The following TRAK1 variants were observed in gnomAD, a reference collection of about 807,000 sequenced individuals.
TRAK1 encodes trafficking kinesin protein 1, also known as trafficking kinesin-binding protein 1.
A neutral mutation model predicts 92.1 loss-of-function variants in TRAK1; 33 were observed. The observed-to-expected ratio is 0.36, with a 90% CI of 0.27 to 0.48. The LOEUF is 0.48. TRAK1 is among the 20% of genes least tolerant of loss of function. TRAK1 has a pLI of 0.99. For synonymous variants in TRAK1, 521 were observed against 517.3 expected (o/e 1.01, Z -0.10); for missense variants, 1,123 against 1,257.9 (o/e 0.89, Z 1.62).
upstream of TRAK1, among the ~76,000 whole-genome samples, chr3:42,087,560 A>G (rs192016894): frequency 2.0e-3 from 300 of 152,360 alleles, no homozygotes; most frequent in Non-Finnish European, 3.3e-3. Context: ...GAGACCTCCA[A>G]TCCAGAACCT....
At chr3:42,157,505 T>TC (rs1700700405) in intron 2 of TRAK1, among the ~76,000 whole-genome samples, 1 of 120,688 alleles carries the variant, frequency 8.3e-6, no homozygotes, top group African/African-American at 3.2e-5. Flanking sequence ...ACATTGGCAG[T>TC]AGTGGGACCG....
chr3:42,025,722 C>T (rs1024597811), intron 1 of TRAK1, among the ~76,000 whole-genome samples: 1 of 152,134 alleles, frequency 6.6e-6, no homozygotes, highest in African/African-American at 2.4e-5. Context: ...TGCTGGCTGC[C>T]TTCTCTCTCT....
Position 42,119,111 on chromosome 3 carries a change from T to G in TRAK1, c.92-6309T>G, listed in dbSNP as rs1264988745. On this transcript the variant is annotated intron_variant, in intron 1 of 15. Coordinates refer to ENST00000327628, the MANE Select transcript of TRAK1 (RefSeq NM_001042646.3). The stretch of plus-strand genomic sequence containing the variant: ...CCTGGCAAAGTAGTAAGGGCTGGGC[T>G]GAAGGTAAGGTGGATAATTCAAAGC... 2.0e-5 allele frequency among the ~76,000 whole-genome samples: 3 copies of G among 152,218 alleles called. 1 individual carries two copies. The highest frequency in any genetic ancestry group is 2.9e-5 in the Non-Finnish European group (2 of 68,044).
At position 42,119,352 on chromosome 3, in the gene TRAK1, A is replaced by C. The variant is rs1709557929; in HGVS notation, c.92-6068A>C. On this transcript the variant is annotated intron_variant, in intron 1 of 15. Coordinates refer to ENST00000327628, the MANE Select transcript of TRAK1 (RefSeq NM_001042646.3). The stretch of plus-strand genomic sequence containing the variant: ...TAGGGAGCTAAAACAGCTGGTCTAA[A>C]AACTCAGATTTGTGAAAAAAATGTG... Among the ~76,000 whole-genome samples, 3 of 152,088 alleles carry C rather than the reference A, an allele frequency of 2.0e-5. No homozygotes were observed. In the South Asian group the frequency reaches 6.2e-4, roughly 32 times the overall value.
chr3:42,054,904 ATTTTTTTTTTTTT>A (rs1157067369), intron 1 of TRAK1, among the ~76,000 whole-genome samples: 527 of 37,076 alleles, frequency 0.014, 3 homozygotes, highest in Middle Eastern at 0.033. Flanking sequence ...AGCAAACTAG[ATTTTTTTTTTTTT>A]TTTTTTTTTT....
At chr3:42,084,735 C>G (rs566572979), upstream of TRAK1, among the ~76,000 whole-genome samples, 2 of 151,970 alleles carry the variant, frequency 1.3e-5, no homozygotes, top group South Asian at 4.2e-4. Flanking sequence ...ATAGGCTTTT[C>G]TAGTGAGGCA....
chr3:42,210,085 C>CCGAGGA, intron 14 of TRAK1, 100 bp downstream of exon 14: 1 of 1,576,608 alleles, frequency 6.3e-7, no homozygotes, highest in Admixed American at 1.7e-5. Flanking sequence ...CCAGCGGCCA[C>CCGAGGA]GGAGGAGGAG....
chr3:42,037,896 G>A (rs1702382292), intron 1 of TRAK1, among the ~76,000 whole-genome samples: 1 of 152,190 alleles, frequency 6.6e-6, no homozygotes, highest in African/African-American at 2.4e-5. Flanking sequence ...ACCCCGGAGT[G>A]GAGCCTGGGA....
intron 1 of TRAK1, among the ~76,000 whole-genome samples, chr3:42,041,051 G>T (rs1227414923): frequency 7.1e-6 from 1 of 141,146 alleles, no homozygotes; most frequent in Non-Finnish European, 1.6e-5. Flanking sequence ...CTTTGTTGTT[G>T]TTTTTTTTTT....
At position 42,202,275 on chromosome 3, in the gene TRAK1, A is replaced by AT. The variant is rs1450315179; in HGVS notation, c.1428-158dup. Among the ~76,000 whole-genome samples the AT allele has an allele frequency of 6.6e-6, 1 of 152,030 alleles. No homozygotes were observed. The highest frequency in any genetic ancestry group is 1.9e-4 in the East Asian group (1 of 5,164). On this transcript the variant is annotated intron_variant, in intron 12 of 15. Transcript: ENST00000327628. This position sits in a 1 kb window ranked among gnomAD's most constrained non-coding sequence, Gnocchi z 6.1. ...CTGGCGGGAGTGGTTCTGGACACGA[A>AT]TTTATTTCCCCCTGTTGCCTAAATG...
intron 10 of TRAK1, among the ~76,000 whole-genome samples, chr3:42,198,691 T>C (rs1213722359): frequency 1.3e-5 from 2 of 152,182 alleles, no homozygotes; most frequent in African/African-American, 4.8e-5. Context: ...GGTGTCAGAA[T>C]CTTAGACACA....
intron 2 of TRAK1, among the ~76,000 whole-genome samples, chr3:42,141,318 T>C (rs1404169623): frequency 6.6e-6 from 1 of 152,218 alleles, no homozygotes; most frequent in Non-Finnish European, 1.5e-5. Flanking sequence ...AAAGAGAACA[T>C]GTAGTTCTAG....
At chr3:42,053,397 GCAA>G (rs1703067689) in intron 1 of TRAK1, among the ~76,000 whole-genome samples, 2 of 135,148 alleles carry the variant, frequency 1.5e-5, no homozygotes, top group Non-Finnish European at 3.3e-5. Context: ...GCGGGGGATG[GCAA>G]AGGGGGAGGG....
upstream of TRAK1, among the ~76,000 whole-genome samples, chr3:42,084,430 T>A (rs952731): frequency 0.5 from 76,079 of 151,886 alleles, 20,280 homozygotes; most frequent in South Asian, 0.67. Flanking sequence ...TCCATATTTT[T>A]AAAAAAGTGT....
chr3:42,081,348 G>A (rs1432288218), intron 1 of TRAK1, among the ~76,000 whole-genome samples: 1 of 152,172 alleles, frequency 6.6e-6, no homozygotes, highest in Non-Finnish European at 1.5e-5. Flanking sequence ...TGTGAAATTT[G>A]GGAGTTTAGA....
At chr3:42,110,098 A>ATATG (rs1708166324) in intron 1 of TRAK1, among the ~76,000 whole-genome samples, 1 of 56,624 alleles carries the variant, frequency 1.8e-5, no homozygotes, top group African/African-American at 5.9e-5. Flanking sequence ...CTTAAAGTAT[A>ATATG]TATATATATA....
At chr3:42,219,235 C>T (rs1710065298) in intron 14 of TRAK1, 37 of 984,980 alleles carry the variant, frequency 3.8e-5, no homozygotes, top group Non-Finnish European at 4.3e-5. Flanking sequence ...CACTACTGGC[C>T]CAAGAATACT....
In TRAK1 at chr3:42,223,154, A is replaced by G. The variant is rs1244164702; in HGVS notation, c.2279A>G (p.Asp760Gly). The change falls in exon 16 of 16, where the codon GAC (aspartate) becomes GGC (glycine). Residue 760 changes from aspartate (D) to glycine (G), a missense_variant. Transcript: ENST00000327628. This position sits in a 1 kb window ranked among gnomAD's most constrained non-coding sequence, Gnocchi z 6.1. ...GCCGTGTACGACCCCCAGAGCTGGG[A>G]CAGGGCCGGCCGGGGCTCCCTCCTG... The part of the protein sequence containing the change: ...SAAVYDPQSW[D>G]RAGRGSLLHS... The G allele has an allele frequency of 6.2e-7, 1 of 1,613,916 alleles. No homozygotes were observed. Among genetic ancestry groups the G allele is most frequent in the Non-Finnish European group, 8.5e-7 (1 of 1,179,982 alleles).
chr3:42,044,691 G>T (rs771794987), intron 1 of TRAK1, among the ~76,000 whole-genome samples: 2 of 152,330 alleles, frequency 1.3e-5, no homozygotes, highest in South Asian at 4.1e-4. Context: ...TCCTCCATCT[G>T]CATGGGGAGA....
Sources: gnomAD v4.1 joint callset for allele counts (sites outside exome capture counted in the v4.1 genomes callset) on GRCh38, gnomAD v4.1.1 for gene constraint, Gnocchi (gnomAD v3.1) non-coding constraint, MANE v1.5 for transcripts, NCBI Gene and HGNC (gene_info 2026-07-23, HGNC 2026-07-21) for gene names.